DNAJC27: variants seen among roughly 807,000 people sequenced by gnomAD.
The protein encoded by DNAJC27 is DnaJ heat shock protein family (Hsp40) member C27.
DNAJC27 carries 25 observed loss-of-function variants against 31.4 expected under a neutral mutation model. The observed-to-expected ratio is 0.80, with a 90% CI of 0.58 to 1.11. The LOEUF (loss-of-function observed/expected upper bound fraction) is 1.11. DNAJC27 is among the 50% of genes most tolerant of loss of function. DNAJC27 has a pLI of 0.00. For missense variants in DNAJC27, 356 were observed against 347.3 expected, an observed-to-expected ratio of 1.02 and a Z score of -0.20; for synonymous variants, 106 against 112.7, an observed-to-expected ratio of 0.94 and a Z score of 0.37.
chr2:24,950,374 TG>T (rs1665739292), intron 6 of DNAJC27, among the ~76,000 whole-genome samples: 1 of 152,072 alleles, frequency 6.6e-6, no homozygotes, highest in South Asian at 2.1e-4. Flanking sequence ...GTGAAGTATG[TG>T]GGGGGAGTCT....
chr2:24,970,059 A>G lies in DNAJC27; in HGVS notation c.87+1759T>C, dbSNP rs73920632. 4.9e-3 allele frequency among the ~76,000 whole-genome samples: 739 copies of G among 152,306 alleles called. 5 individuals are homozygous for G. The highest frequency in any genetic ancestry group is 0.016 in the African/African-American group (682 of 41,564). On this transcript the variant is annotated intron_variant, in intron 1 of 6. Coordinates refer to ENST00000264711, the MANE Select transcript of DNAJC27 (RefSeq NM_016544.3). ...TTTATCTCCCTTTGTAGAGTTTGAAACTTGTCTTCATATAGGTGCTGCCTA... is the reference window on the plus strand; with the variant it reads ...TTTATCTCCCTTTGTAGAGTTTGAAGCTTGTCTTCATATAGGTGCTGCCTA...
chr2:24,967,971 T>G (rs1189693329), intron 1 of DNAJC27, among the ~76,000 whole-genome samples: 2 of 147,304 alleles, frequency 1.4e-5, no homozygotes, highest in Admixed American at 6.7e-5. Context: ...TTTTTTTTTT[T>G]GAGCCTAGGA....
chr2:24,958,660 T>A (rs1344424397), intron 3 of DNAJC27: 2 of 254,386 alleles, frequency 7.9e-6, no homozygotes, highest in Admixed American at 8.0e-5. Flanking sequence ...TTAAATGAGA[T>A]AATGCAGGCA....
chr2:24,957,866 C>T lies in DNAJC27; in HGVS notation c.349G>A (p.Glu117Lys), dbSNP rs1298390773. The T allele has an allele frequency of 1.2e-6, 2 of 1,614,096 alleles. No homozygotes were observed. The highest frequency in any genetic ancestry group is 1.1e-5 in the South Asian group (1 of 91,086). Residue 117 changes from glutamate (E) to lysine (K), a missense_variant, in exon 4 of 7, where the codon GAG becomes AAG. Glu to Lys is a moderately conservative substitution (Grantham distance 56). Coordinates refer to ENST00000264711, the MANE Select transcript of DNAJC27 (RefSeq NM_016544.3). Reference sequence around the variant, plus strand: ...TCCATGTTTCCATGAGGTCCAAGCTCTTGCTTCATTTCTGCCAGCCACGCA... The same window carrying T: ...TCCATGTTTCCATGAGGTCCAAGCTTTTGCTTCATTTCTGCCAGCCACGCA... ...LDAWLAEMKQ[E>K]LGPHGNMENI...
chr2:24,967,138 T>C (rs2149131214), intron 2 of DNAJC27, 73 bp downstream of exon 2: 3 of 1,174,312 alleles, frequency 2.6e-6, no homozygotes, highest in East Asian at 4.7e-5. Flanking sequence ...AGAGCACTGA[T>C]GCAAATATGG....
chr2:24,971,970 G>T, upstream of DNAJC27: 1 of 1,206,394 alleles, frequency 8.3e-7, no homozygotes, highest in Non-Finnish European at 1.1e-6. Context: ...CGTCCCTCAG[G>T]CCTCCTCGTC....
Position 24,945,450 on chromosome 2 carries a change from A to C in DNAJC27, c.*2166T>G, listed in dbSNP as rs1285998623. On this transcript the variant is annotated 3_prime_UTR_variant, in exon 7 of 7. Transcript: ENST00000264711. ...GAATGAGGTTCCCAATCTAGTATTT[A>C]ATAACAGTGATGAAAACTGGCACCA... 5 of 152,190 alleles carry C rather than the reference A, an allele frequency of 3.3e-5. No homozygotes were observed. The highest frequency in any genetic ancestry group is 3.3e-4 in the Admixed American group (5 of 15,278). The allele number at this position is 152,190 out of a possible 1,614,324, so 9.4% of individuals were successfully genotyped here.
intron 5 of DNAJC27, chr2:24,953,741 T>G: frequency 3.3e-4 from 51 of 152,568 alleles, no homozygotes; most frequent in Non-Finnish European, 6.7e-4. Flanking sequence ...GAAATATGAA[T>G]ATTCATAGAT....
chr2:24,946,720 G>C lies in DNAJC27; in HGVS notation c.*896C>G, dbSNP rs1239663521. 6.6e-6 allele frequency: 1 copy of C among 151,956 alleles called. No individual in the cohort carries two copies. Among genetic ancestry groups the C allele is most frequent in the East Asian group, 1.9e-4 (1 of 5,192 alleles). The allele number at this position is 151,956 out of a possible 1,614,324, so 9.4% of individuals were successfully genotyped here. A position where few individuals can be genotyped will look rare whatever the true frequency, so the allele number is the denominator to read the frequency against. ...AGACAAGATCTTACTATGTTGCCCA[G>C]GTGGGACTTGAGCTCCTGGGCTTAA... On this transcript the variant is annotated 3_prime_UTR_variant, in exon 7 of 7. Transcript: ENST00000264711.
intron 3 of DNAJC27, among the ~76,000 whole-genome samples, chr2:24,959,719 C>A (rs1374354461): frequency 6.6e-6 from 1 of 152,202 alleles, no homozygotes; most frequent in Non-Finnish European, 1.5e-5. Flanking sequence ...CAAGCCCTGG[C>A]TATAATGCTG....
At chr2:24,969,968 C>T (rs1302976776) in intron 1 of DNAJC27, among the ~76,000 whole-genome samples, 1 of 151,972 alleles carries the variant, frequency 6.6e-6, no homozygotes, top group Non-Finnish European at 1.5e-5. Flanking sequence ...TTGAGTAATT[C>T]ACATCTGTAC....
Position 24,945,082 on chromosome 2 carries a change from G to T in DNAJC27, c.*2534C>A, listed in dbSNP as rs1400909788. The T allele has an allele frequency of 2.0e-5, 3 of 152,158 alleles. No homozygotes were observed. The highest frequency in any genetic ancestry group is 6.5e-5 in the Admixed American group (1 of 15,276). The allele number at this position is 152,158 out of a possible 1,614,324, so 9.4% of individuals were successfully genotyped here. ...ACTACAAAGCACACATTTGCACCAA[G>T]AATTTAAATTAATGCATAGATGTCT... On this transcript the variant is annotated 3_prime_UTR_variant, in exon 7 of 7. Transcript: ENST00000264711.
chr2:24,967,901 G>A (rs1486883632), intron 1 of DNAJC27, among the ~76,000 whole-genome samples: 1 of 150,816 alleles, frequency 6.6e-6, no homozygotes, highest in Admixed American at 6.6e-5. Context: ...GTCTAGCCTT[G>A]ACCTCACTGC....
intron 5 of DNAJC27, among the ~76,000 whole-genome samples, chr2:24,953,112 G>A (rs531733188): frequency 1.3e-5 from 2 of 151,928 alleles, no homozygotes; most frequent in East Asian, 3.9e-4. Flanking sequence ...TTCATGTTCT[G>A]TGCACTGTAA....
chr2:24,966,704 G>A (rs900033777), intron 2 of DNAJC27, among the ~76,000 whole-genome samples: 12 of 152,056 alleles, frequency 7.9e-5, no homozygotes, highest in South Asian at 4.1e-4. Context: ...TTATCCGCCC[G>A]TCTCGGCCTC....
At chr2:24,952,866 T>C (rs1235422908) in intron 5 of DNAJC27, among the ~76,000 whole-genome samples, 5 of 152,210 alleles carry the variant, frequency 3.3e-5, no homozygotes, top group African/African-American at 1.2e-4. Context: ...TCTTTCCAAA[T>C]GCTTATGGCC....
At chr2:24,962,221 GTTTT>G (rs915729370) in intron 3 of DNAJC27, among the ~76,000 whole-genome samples, 8 of 17,044 alleles carry the variant, frequency 4.7e-4, no homozygotes, top group African/African-American at 1.2e-3. Flanking sequence ...TTTTTCTTTT[GTTTT>G]TTTTTGTGTT....
intron 1 of DNAJC27, 115 bp downstream of exon 1, chr2:24,971,703 T>A: frequency 1.1e-6 from 1 of 883,892 alleles, no homozygotes. Flanking sequence ...GACCCGGGCC[T>A]GCTCGGGGGC....
intron 6 of DNAJC27, among the ~76,000 whole-genome samples, chr2:24,949,804 TTTC>T (rs1665724749): frequency 6.6e-6 from 1 of 152,158 alleles, no homozygotes; most frequent in African/African-American, 2.4e-5. Context: ...AAAGTAATTG[TTTC>T]TTAAGTTTAG....
Sources: allele counts gnomAD v4.1 joint callset (sites outside exome capture counted in the v4.1 genomes callset), GRCh38; gene constraint gnomAD v4.1.1; transcripts MANE v1.5; gene names NCBI Gene and HGNC (gene_info 2026-07-23, HGNC 2026-07-21).